The following PFN1 variants were observed in gnomAD, a reference collection of about 807,000 sequenced individuals.
PFN1 encodes profilin 1.
Under a neutral mutation model 11.7 loss-of-function variants are expected in PFN1, and 2 were observed. The ratio of observed to expected loss-of-function variants is 0.17; its 90% CI spans 0.07 to 0.54. The LOEUF (loss-of-function observed/expected upper bound fraction) is 0.54. Among genes scored for constraint, PFN1 ranks in the 20% least tolerant of loss-of-function variants. PFN1 has a pLI of 0.94. For synonymous variants in PFN1, 78 were observed against 76.2 expected, an observed-to-expected ratio of 1.02 and a Z score of -0.12; for missense variants, 97 against 188.4, an observed-to-expected ratio of 0.51 and a Z score of 2.84.
chr17:4,947,772 G>A (rs1363525801), intron 1 of PFN1, among the ~76,000 whole-genome samples: 3 of 152,142 alleles, frequency 2.0e-5, no homozygotes, highest in Non-Finnish European at 4.4e-5. Context: ...GTTAGGAGGG[G>A]CCAGAAGCCC....
At chr17:4,946,074 GTCCA>G in intron 2 of PFN1, 77 bp from the exon 3 acceptor site, 2 of 1,107,484 alleles carry the variant, frequency 1.8e-6, no homozygotes, top group African/African-American at 1.5e-5. Context: ...TTCAGCAGCT[GTCCA>G]GCCCTGGGGG....
At chr17:4,947,944 C>T in intron 1 of PFN1, 1 of 282,990 alleles carries the variant, frequency 3.5e-6, no homozygotes, top group South Asian at 7.5e-5. Context: ...AACTGAGGCG[C>T]GTCCCCGCCC....
intron 1 of PFN1, among the ~76,000 whole-genome samples, chr17:4,947,854 G>A (rs1256468551): frequency 6.6e-6 from 1 of 152,164 alleles, no homozygotes; most frequent in African/African-American, 2.4e-5. Context: ...CAATGGTAGA[G>A]GGACGCGGGC....
At chr17:4,948,206 C>G (rs896082653) in intron 1 of PFN1, 57 bp downstream of exon 1, 5 of 1,444,338 alleles carry the variant, frequency 3.5e-6, no homozygotes, top group African/African-American at 1.5e-5. Context: ...CCACCCAAGT[C>G]CCTCCCTCAG....
intron 1 of PFN1, among the ~76,000 whole-genome samples, chr17:4,947,793 G>A (rs1394135399): frequency 3.3e-5 from 5 of 152,130 alleles, no homozygotes; most frequent in African/African-American, 9.7e-5. Flanking sequence ...ACAGAGGGTG[G>A]GCAAGGGACC....
In PFN1 at chr17:4,945,791, A is replaced by T. The variant is rs1971371889; in HGVS notation, c.*109T>A. 11 of 720,156 alleles carry T rather than the reference A, an allele frequency of 1.5e-5. No homozygotes were observed. The highest frequency in any genetic ancestry group is 2.5e-5 in the Non-Finnish European group (10 of 403,442). The allele number at this position is 720,156 out of a possible 1,614,324, so 44.6% of individuals were successfully genotyped here. A position where few individuals can be genotyped will look rare whatever the true frequency, so the allele number is the denominator to read the frequency against. ...CCCCAGCCCATGTGGTTTTGGCAGC[A>T]ATAAGGGGTATGGGGTAATGGCCCA... On this transcript the variant is annotated 3_prime_UTR_variant, in exon 3 of 3. Transcript: ENST00000225655.
chr17:4,947,852 G>A (rs1353000540), intron 1 of PFN1, among the ~76,000 whole-genome samples: 1 of 152,164 alleles, frequency 6.6e-6, no homozygotes, highest in African/African-American at 2.4e-5. Flanking sequence ...AACAATGGTA[G>A]AGGGACGCGG....
intron 1 of PFN1, among the ~76,000 whole-genome samples, chr17:4,947,746 C>T (rs543159338): frequency 6.6e-6 from 1 of 152,194 alleles, no homozygotes; most frequent in African/African-American, 2.4e-5. Context: ...GTGGTGGCCT[C>T]GCCCTCTCTA....
At chr17:4,946,032 C>G (rs774832087) in intron 2 of PFN1, 35 bp from the exon 3 acceptor site, 43 of 1,493,224 alleles carry the variant, frequency 2.9e-5, no homozygotes, top group Non-Finnish European at 3.6e-5. Context: ...AGGCTAGGAT[C>G]CAGGTGTCAC....
At chr17:4,946,037 T>C in intron 2 of PFN1, 40 bp from the exon 3 acceptor site, 2 of 1,459,308 alleles carry the variant, frequency 1.4e-6, no homozygotes, top group Non-Finnish European at 1.9e-6. Flanking sequence ...AGGATCCAGG[T>C]GTCACAATTC....
intron 2 of PFN1, 143 bp from the exon 3 acceptor site, chr17:4,946,140 G>C: frequency 1.6e-6 from 1 of 611,742 alleles, no homozygotes; most frequent in East Asian, 2.9e-5. Context: ...CACACAGGCA[G>C]GCTGTCAGTC....
chr17:4,945,786 G>A lies in PFN1; in HGVS notation c.*114C>T. On this transcript the variant is annotated 3_prime_UTR_variant, in exon 3 of 3. Transcript: ENST00000225655. Reference sequence around the variant, plus strand: ...CTGGCCCCCAGCCCATGTGGTTTTGGCAGCAATAAGGGGTATGGGGTAATG... The same window carrying A: ...CTGGCCCCCAGCCCATGTGGTTTTGACAGCAATAAGGGGTATGGGGTAATG... The A allele has an allele frequency of 2.9e-6, 2 of 685,734 alleles. No homozygotes were observed. The highest frequency in any genetic ancestry group is 5.3e-6 in the Non-Finnish European group (2 of 378,704). The allele number at this position is 685,734 out of a possible 1,614,324, so 42.5% of individuals were successfully genotyped here.
chr17:4,947,356 C>T (rs985205622), intron 1 of PFN1: 2 of 152,202 alleles, frequency 1.3e-5, no homozygotes, highest in African/African-American at 2.4e-5. Flanking sequence ...TGGGGGCTTT[C>T]CGGGAAAGTT....
intron 1 of PFN1, 116 bp from the exon 2 acceptor site, chr17:4,946,936 T>G (rs1460799707): frequency 1.3e-6 from 1 of 758,108 alleles, no homozygotes; most frequent in Non-Finnish European, 2.2e-6. Context: ...GGGGGCTAAG[T>G]ATAAATTATA....
intron 1 of PFN1, among the ~76,000 whole-genome samples, chr17:4,947,733 C>T (rs574036296): frequency 2.0e-5 from 3 of 151,554 alleles, no homozygotes; most frequent in Non-Finnish European, 4.4e-5. Context: ...GCTGGGGGGG[C>T]GTGTGGTGGC....
chr17:4,948,248 C>T lies in PFN1; in HGVS notation c.132+15G>A. 3 of 1,593,910 alleles carry T rather than the reference C, an allele frequency of 1.9e-6. No individual in the cohort carries two copies. The highest frequency in any genetic ancestry group is 2.6e-6 in the Non-Finnish European group (3 of 1,171,232). On this transcript the variant is annotated intron_variant, in intron 1 of 2. Transcript: ENST00000225655. ...AACCGGAGCAGTGCCCCGGACCGCG[C>T]AGGCCTCGCAGTACCGTGATGTTGA...
chr17:4,946,699 C>T lies in PFN1; in HGVS notation c.254G>A (p.Ser85Asn). 1.9e-6 allele frequency: 3 copies of T among 1,614,174 alleles called. No homozygotes were observed. The highest frequency in any genetic ancestry group is 2.5e-6 in the Non-Finnish European group (3 of 1,180,014). ...GGTGCTCTTGGTACGAAGATCCATG[C>T]TAAATTCCCCATCCTGCAGCAGTGA... ...RDSLLQDGEFSMDLRTKSTGG... is the reference protein window; with the variant it reads ...RDSLLQDGEFNMDLRTKSTGG... The change falls in exon 2 of 3, where the codon AGC (serine) becomes AAC (asparagine). Residue 85 changes from serine to asparagine, a missense_variant. Physicochemically the swap from Ser to Asn is conservative, Grantham distance 46. Transcript: ENST00000225655.
chr17:4,946,734 C>A lies in PFN1; in HGVS notation c.219G>T (p.Val73=). Residue 73 remains valine, a synonymous_variant, in exon 2 of 3, where the codon GTG becomes GTT. Coordinates refer to ENST00000225655, the MANE Select transcript of PFN1 (RefSeq NM_005022.4). ...GLTLGGQKCS[V]IRDSLLQDGE... ...CATCCTGCAGCAGTGAGTCCCGGAT[C>A]ACCGAACATTTCTGGCCCCCAAGTG... 2 of 1,614,168 alleles carry A rather than the reference C, an allele frequency of 1.2e-6. No homozygotes were observed. Among genetic ancestry groups the A allele is most frequent in the East Asian group, 2.2e-5 (1 of 44,884 alleles).
At position 4,948,349 on chromosome 17, in the gene PFN1, TCC is replaced by T; in HGVS notation, c.44_45del (p.Gly15AspfsTer32). 6.2e-7 allele frequency: 1 copy of T among 1,610,676 alleles called. No individual in the cohort carries two copies. Among genetic ancestry groups the T allele is most frequent in the Non-Finnish European group, 8.5e-7 (1 of 1,179,110 alleles). ...CCCACGATGGCCGCGTCCTGACAGGTCCCGTCCGCCATGAGGTTGTCGATGTA... is the reference window on the plus strand; with the variant it reads ...CCCACGATGGCCGCGTCCTGACAGGTCGTCCGCCATGAGGTTGTCGATGTA... ...NAYIDNLMAD[G>X]TCQDAAIVGY... On this transcript the variant is annotated frameshift_variant, in exon 1 of 3. Coordinates refer to ENST00000225655, the MANE Select transcript of PFN1 (RefSeq NM_005022.4). LOFTEE classifies it high-confidence loss of function.
Sources: gnomAD v4.1 joint callset for allele counts (sites outside exome capture counted in the v4.1 genomes callset) on GRCh38, gnomAD v4.1.1 for gene constraint, MANE v1.5 for transcripts, NCBI Gene and HGNC (gene_info 2026-07-23, HGNC 2026-07-21) for gene names.